The following BNC2 variants were observed in gnomAD, a reference collection of about 807,000 sequenced individuals.
BNC2 encodes the protein basonuclin zinc finger protein 2, also known as zinc finger protein basonuclin-2.
Under a neutral mutation model 76.3 loss-of-function variants are expected in BNC2, and 20 were observed. The ratio of observed to expected loss-of-function variants is 0.26; its 90% CI spans 0.18 to 0.38. The LOEUF is 0.38. BNC2 is among the 10% of genes least tolerant of loss of function. The probability of loss-of-function intolerance (pLI) is 1.00; values close to 1 mark genes in which losing one functional copy is unlikely to be tolerated. For synonymous variants in BNC2, 582 were observed against 514.8 expected (o/e 1.13, Z -1.77); for missense variants, 1,382 against 1,399.8 (o/e 0.99, Z 0.20).
chr9:16,738,518 G>A (rs1824747527), intron 1 of BNC2, 33 bp from the exon 2 acceptor site: 1 of 1,611,200 alleles, frequency 6.2e-7, no homozygotes, highest in Non-Finnish European at 8.5e-7. Context: ...AATTACATAT[G>A]CCCAGACAGT....
Position 16,464,941 on chromosome 9 carries a change from T to C in BNC2, c.670-27417A>G, listed in dbSNP as rs1821671400. 2.6e-5 allele frequency among the ~76,000 whole-genome samples: 4 copies of C among 152,206 alleles called. No homozygotes were observed. In the South Asian group the frequency reaches 8.3e-4, roughly 32 times the overall value. On this transcript the variant is annotated intron_variant, in intron 5 of 6. Coordinates refer to ENST00000380672, the MANE Select transcript of BNC2 (RefSeq NM_017637.6). The stretch of plus-strand genomic sequence containing the variant: ...AAATAAATTAGGAAGTGATAGCTCC[T>C]CCTATGGCCTTTCCAATGCTAACTT...
At chr9:16,733,515 G>T (rs1389111196) in intron 2 of BNC2, among the ~76,000 whole-genome samples, 1 of 151,728 alleles carries the variant, frequency 6.6e-6, no homozygotes, top group Non-Finnish European at 1.5e-5. Context: ...TATGTAAATA[G>T]ATGGAAAGAC....
chr9:16,522,919 A>C (rs1342577624), intron 5 of BNC2, among the ~76,000 whole-genome samples: 2 of 152,142 alleles, frequency 1.3e-5, no homozygotes, highest in Non-Finnish European at 2.9e-5. Context: ...TCAAGCCTAA[A>C]ACCATGATGG....
intron 4 of BNC2, among the ~76,000 whole-genome samples, chr9:16,577,736 T>C (rs530310840): frequency 2.6e-4 from 39 of 152,242 alleles, no homozygotes; most frequent in Middle Eastern, 6.8e-3. Flanking sequence ...TTACAGAACA[T>C]AATAAAAGAA....
At chr9:16,780,265 A>C (rs1286022106) in intron 1 of BNC2, among the ~76,000 whole-genome samples, 3 of 142,818 alleles carry the variant, frequency 2.1e-5, no homozygotes, top group African/African-American at 7.8e-5. Flanking sequence ...AACAAAAAAA[A>C]ACTACTGAAA....
At position 16,444,637 on chromosome 9, in the gene BNC2, G is replaced by T. The variant is rs189120057; in HGVS notation, c.670-7113C>A. ...GGGGTCAGCAAATGGAAAACTCCTA[G>T]ATCCCACATGTGGGTTGGAAAGAGG... On this transcript the variant is annotated intron_variant, in intron 5 of 6. Coordinates refer to ENST00000380672, the MANE Select transcript of BNC2 (RefSeq NM_017637.6). Among the ~76,000 whole-genome samples the T allele has an allele frequency of 5.3e-5, 8 of 152,264 alleles. No homozygotes were observed. The East Asian group carries it at 1.2e-3, about 22-fold the overall frequency.
chr9:16,525,987 A>C (rs1046802974), intron 5 of BNC2, among the ~76,000 whole-genome samples: 6 of 152,002 alleles, frequency 3.9e-5, no homozygotes, highest in Non-Finnish European at 8.8e-5. Flanking sequence ...CTTATGACTA[A>C]ATACTTTTTG....
chr9:16,852,107 G>C (rs1177476727), intron 1 of BNC2, among the ~76,000 whole-genome samples: 1 of 152,116 alleles, frequency 6.6e-6, no homozygotes, highest in African/African-American at 2.4e-5. Context: ...CTGTAAAATA[G>C]CCTGACTACA....
intron 1 of BNC2, among the ~76,000 whole-genome samples, chr9:16,835,199 C>A (rs915721465): frequency 6.6e-6 from 1 of 152,178 alleles, no homozygotes; most frequent in Non-Finnish European, 1.5e-5. Flanking sequence ...CATTATTCGT[C>A]TTTTCTGCAT....
At chr9:16,476,568 T>A (rs60636838) in intron 5 of BNC2, among the ~76,000 whole-genome samples, 2,830 of 137,970 alleles carry the variant, frequency 0.021, 25 homozygotes, top group Middle Eastern at 0.041. Context: ...TTGTTTTTTT[T>A]AAAAAAAAAA....
intron 1 of BNC2, among the ~76,000 whole-genome samples, chr9:16,825,409 T>C (rs1818431287): frequency 6.6e-6 from 1 of 152,156 alleles, no homozygotes; most frequent in Admixed American, 6.5e-5. Context: ...TGCAGTGCTA[T>C]CATTTGCACC....
At chr9:16,845,449 C>T (rs150581864) in intron 1 of BNC2, among the ~76,000 whole-genome samples, 2,056 of 152,258 alleles carry the variant, frequency 0.014, 24 homozygotes, top group African/African-American at 0.028. Flanking sequence ...TGGCCGGGCG[C>T]GGTGGCTCAC....
At chr9:16,439,248 A>G (rs1821079632) in intron 5 of BNC2, among the ~76,000 whole-genome samples, 1 of 152,196 alleles carries the variant, frequency 6.6e-6, no homozygotes, top group Non-Finnish European at 1.5e-5. Flanking sequence ...ATGGACAAAC[A>G]CATTGTAAAA....
intron 3 of BNC2, among the ~76,000 whole-genome samples, chr9:16,627,494 C>T (rs535301777): frequency 1.1e-4 from 17 of 152,162 alleles, no homozygotes; most frequent in Non-Finnish European, 1.5e-5. Flanking sequence ...ATGCGGCTCA[C>T]ACCAGCAGTT....
rs556429297 is a variant in BNC2 at position 16,652,400 on chromosome 9, A to G, written c.331-69315T>C. 1.3e-3 allele frequency among the ~76,000 whole-genome samples: 203 copies of G among 152,302 alleles called. 1 individual carries two copies. Among genetic ancestry groups the G allele is most frequent in the African/African-American group, 4.7e-3 (195 of 41,552 alleles). ...TTAGGTTGCCAAACCAGTCACTTAA[A>G]CAAATAGGATGAATGTGAAAATGGA... On this transcript the variant is annotated intron_variant, in intron 3 of 6. Coordinates refer to ENST00000380672, the MANE Select transcript of BNC2 (RefSeq NM_017637.6).
At chr9:16,514,518 C>T (rs7037413) in intron 5 of BNC2, among the ~76,000 whole-genome samples, 5,416 of 152,038 alleles carry the variant, frequency 0.036, 333 homozygotes, top group African/African-American at 0.12. Flanking sequence ...GGGAAAAATA[C>T]TGGTAATAAA....
At position 16,809,795 on chromosome 9, in the gene BNC2, AAC is replaced by A. The variant is rs552031040; in HGVS notation, c.3+60849_3+60850del. 8.7e-4 allele frequency among the ~76,000 whole-genome samples: 132 copies of A among 152,182 alleles called. 1 individual carries two copies. In the South Asian group the frequency reaches 0.016, roughly 19 times the overall value. On this transcript the variant is annotated intron_variant, in intron 1 of 6. Coordinates refer to ENST00000380672, the MANE Select transcript of BNC2 (RefSeq NM_017637.6). The stretch of plus-strand genomic sequence containing the variant: ...CTGTCTCAAAAACACAAAAAAAGAA[AAC>A]AGTGTGCCCAGAACAAGAAGCCACA...
chr9:16,499,734 T>C (rs946068927), intron 5 of BNC2, among the ~76,000 whole-genome samples: 3 of 151,892 alleles, frequency 2.0e-5, no homozygotes, highest in Non-Finnish European at 4.4e-5. Flanking sequence ...TTTCACCATA[T>C]TGGCCAGGAG....
rs569526881 is a variant in BNC2 at position 16,529,396 on chromosome 9, T to C, written c.669+23134A>G. On this transcript the variant is annotated intron_variant, in intron 5 of 6. Transcript: ENST00000380672. ...CCACAGATACATGATAATGATAACA[T>C]ATGGAGAAGTGTTATCTCTACAAAA... is the stretch of plus-strand genomic sequence containing the variant. Among the ~76,000 whole-genome samples, 5 of 152,286 alleles carry C rather than the reference T, an allele frequency of 3.3e-5. No individual in the cohort carries two copies. In the South Asian group the frequency reaches 8.3e-4, roughly 25 times the overall value.
Sources: allele counts gnomAD v4.1 joint callset (sites outside exome capture counted in the v4.1 genomes callset), GRCh38; gene constraint gnomAD v4.1.1; transcripts MANE v1.5; gene names NCBI Gene and HGNC (gene_info 2026-07-23, HGNC 2026-07-21).